Variants in ZDHHC11B observed in about 807,000 individuals in gnomAD.
ZDHHC11B encodes the protein probable palmitoyltransferase ZDHHC11B.
In ZDHHC11B, 17 loss-of-function variants were observed where a neutral mutation model predicts 42.3. The observed-to-expected ratio is 0.40, with a 90% CI of 0.27 to 0.60. The LOEUF is 0.60. Ranked by LOEUF, ZDHHC11B falls within the 20% of genes least tolerant of loss-of-function variation. The pLI is 0.41. For missense variants in ZDHHC11B, 262 were observed against 463.2 expected (o/e 0.57, Z 3.99); for synonymous variants, 123 against 193.5 (o/e 0.64, Z 3.02).
intron 4 of ZDHHC11B, among the ~76,000 whole-genome samples, chr5:759,862 G>A (rs1454751261): frequency 1.2e-4 from 18 of 151,884 alleles, no homozygotes; most frequent in African/African-American, 4.1e-4. Flanking sequence ...TGCAGGTGCC[G>A]GATAGCACAG....
chr5:749,355 A>AGGCAAGGCAGAATGGCAGAGGGTCG (rs1745300318), intron 7 of ZDHHC11B, among the ~76,000 whole-genome samples: 1 of 129,412 alleles, frequency 7.7e-6, no homozygotes, highest in Non-Finnish European at 1.7e-5. Flanking sequence ...GCAGAGGGCC[A>AGGCAAGGCAGAATGGCAGAGGGTCG]GGCAAGGCAG....
In ZDHHC11B at chr5:745,354, C is replaced by T. The variant is rs550521517; in HGVS notation, c.785-56G>A. The T allele has an allele frequency of 6.5e-5, 98 of 1,506,024 alleles. 2 individuals carry two copies. Among genetic ancestry groups the T allele is most frequent in the African/African-American group, 8.2e-5 (6 of 72,958 alleles). 93.3% of individuals were successfully genotyped at this position (1,506,024 alleles called of 1,614,324 possible). On this transcript the variant is annotated intron_variant, in intron 8 of 13. Coordinates refer to ENST00000508859, the MANE Select transcript of ZDHHC11B (RefSeq NM_001351303.2). Reference sequence around the variant, plus strand: ...TTACCAGCCCTGCGGCTTTGCACGGCGCCCACAGGACAGCTCAGCAGGGTG... The same window carrying T: ...TTACCAGCCCTGCGGCTTTGCACGGTGCCCACAGGACAGCTCAGCAGGGTG...
intron 4 of ZDHHC11B, among the ~76,000 whole-genome samples, chr5:763,976 C>T (rs539916478): frequency 3.0e-4 from 46 of 151,946 alleles, no homozygotes; most frequent in African/African-American, 9.7e-4. Flanking sequence ...ACTGTACTCT[C>T]TACCTCTATA....
intron 4 of ZDHHC11B, among the ~76,000 whole-genome samples, chr5:756,889 T>C (rs1405106528): frequency 2.0e-4 from 31 of 151,662 alleles, no homozygotes; most frequent in Non-Finnish European, 8.8e-5. Flanking sequence ...CCCAGACTCA[T>C]TCAGGGACTC....
intron 1 of ZDHHC11B, among the ~76,000 whole-genome samples, chr5:773,236 G>A (rs1239578653): frequency 6.6e-6 from 1 of 151,966 alleles, no homozygotes; most frequent in African/African-American, 2.4e-5. Context: ...TGTGCCAGCT[G>A]CTTCTCCTTG....
chr5:774,316 C>T (rs1736286961), intron 1 of ZDHHC11B, among the ~76,000 whole-genome samples: 1 of 152,150 alleles, frequency 6.6e-6, no homozygotes, highest in Non-Finnish European at 1.5e-5. Flanking sequence ...CCTCTGATCA[C>T]AGAGCTGTCC....
intron 1 of ZDHHC11B, among the ~76,000 whole-genome samples, chr5:777,155 G>A (rs1282278955): frequency 6.6e-5 from 10 of 151,840 alleles, no homozygotes; most frequent in South Asian, 2.1e-4. Flanking sequence ...GTTCAGATGC[G>A]TCTGGAGTTT....
At chr5:759,511 G>A (rs1472110200) in intron 4 of ZDHHC11B, among the ~76,000 whole-genome samples, 1 of 151,986 alleles carries the variant, frequency 6.6e-6, no homozygotes, top group Admixed American at 6.6e-5. Context: ...GAGCTTTGCT[G>A]GGAAGAGATT....
rs1741340679 is a variant in ZDHHC11B at position 711,204 on chromosome 5, CCTCCCCTTTCCCAGTACTGTG to C, written c.*1065_*1085del. 1 of 139,762 alleles carries C rather than the reference CCTCCCCTTTCCCAGTACTGTG, an allele frequency of 7.2e-6. No individual in the cohort carries two copies. The highest frequency in any genetic ancestry group is 1.6e-5 in the Non-Finnish European group (1 of 63,124). The allele number at this position is 139,762 out of a possible 1,614,324, so 8.7% of individuals were successfully genotyped here. A position where few individuals can be genotyped will look rare whatever the true frequency, so the allele number is the denominator to read the frequency against. On this transcript the variant is annotated 3_prime_UTR_variant, in exon 14 of 14. Transcript: ENST00000508859. Reference sequence around the variant, plus strand: ...ATGCTCCCATTTCCCAGTGCTGTGCCCTCCCCTTTCCCAGTACTGTGCTCCCATTTCCCAATACTGTGCTCC... The same window carrying C: ...ATGCTCCCATTTCCCAGTGCTGTGCCCTCCCATTTCCCAATACTGTGCTCC...
intron 1 of ZDHHC11B, among the ~76,000 whole-genome samples, chr5:774,343 G>C (rs1736289238): frequency 2.0e-5 from 3 of 152,164 alleles, no homozygotes; most frequent in Admixed American, 6.6e-5. Context: ...TGGAAACCCG[G>C]GTGTCCATGT....
At chr5:770,651 C>T (rs1369866955) in intron 1 of ZDHHC11B, among the ~76,000 whole-genome samples, 1 of 152,022 alleles carries the variant, frequency 6.6e-6, no homozygotes, top group Non-Finnish European at 1.5e-5. Flanking sequence ...ACTGCAGAGC[C>T]TCTGACCTTA....
At chr5:736,062 G>A (rs1462159702) in intron 10 of ZDHHC11B, among the ~76,000 whole-genome samples, 6 of 149,460 alleles carry the variant, frequency 4.0e-5, no homozygotes, top group South Asian at 2.2e-4. Flanking sequence ...AGTATCTGCT[G>A]TCTTCAAGAG....
chr5:758,677 C>T (rs1384254347), intron 4 of ZDHHC11B, among the ~76,000 whole-genome samples: 1 of 150,394 alleles, frequency 6.6e-6, no homozygotes, highest in African/African-American at 2.5e-5. Flanking sequence ...GCAAGGGACT[C>T]CCCCCCACCA....
Position 748,561 on chromosome 5 carries a change from T to C in ZDHHC11B, c.629-2A>G. 1 of 1,362,318 alleles carries C rather than the reference T, an allele frequency of 7.3e-7. No homozygotes were observed. Among genetic ancestry groups the C allele is most frequent in the Non-Finnish European group, 9.8e-7 (1 of 1,024,120 alleles). The allele number at this position is 1,362,318 out of a possible 1,614,324, so 84.4% of individuals were successfully genotyped here. A position where few individuals can be genotyped will look rare whatever the true frequency, so the allele number is the denominator to read the frequency against. ...GCCACGTGTTCATATTCTTGACATC[T>C]GGGGAGACAAGGGAGAGACACTGTG... On this transcript the variant is annotated splice_acceptor_variant, in intron 7 of 13. Coordinates refer to ENST00000508859, the MANE Select transcript of ZDHHC11B (RefSeq NM_001351303.2). LOFTEE classifies it high-confidence loss of function.
chr5:742,311 C>T (rs397833213), intron 9 of ZDHHC11B, among the ~76,000 whole-genome samples: 526 of 145,636 alleles, frequency 3.6e-3, no homozygotes, highest in African/African-American at 0.013. Flanking sequence ...ACTGGGTTTT[C>T]TGTTTGTTTA....
intron 1 of ZDHHC11B, among the ~76,000 whole-genome samples, chr5:774,410 G>A (rs1166710195): frequency 1.3e-5 from 2 of 152,322 alleles, no homozygotes; most frequent in Admixed American, 6.5e-5. Flanking sequence ...ACTAGGAACA[G>A]GGGTCTCGCA....
intron 12 of ZDHHC11B, among the ~76,000 whole-genome samples, chr5:723,481 C>T (rs1460935417): frequency 8.3e-6 from 1 of 120,568 alleles, no homozygotes; most frequent in African/African-American, 2.9e-5. Flanking sequence ...CTGTCTGATG[C>T]CAAAGTCCAA....
At chr5:774,284 G>A (rs1327175456) in intron 1 of ZDHHC11B, among the ~76,000 whole-genome samples, 1 of 152,138 alleles carries the variant, frequency 6.6e-6, no homozygotes, top group African/African-American at 2.4e-5. Context: ...AATTGACAGG[G>A]CTGGGGAAAC....
chr5:780,631 C>T (rs1490104830), intron 1 of ZDHHC11B, among the ~76,000 whole-genome samples: 3 of 137,684 alleles, frequency 2.2e-5, no homozygotes, highest in Admixed American at 7.2e-5. Context: ...CGGCCCAGAA[C>T]GGCTGGCACT....
Sources: allele counts gnomAD v4.1 joint callset (sites outside exome capture counted in the v4.1 genomes callset), GRCh38; gene constraint gnomAD v4.1.1; transcripts MANE v1.5; gene names NCBI Gene and HGNC (gene_info 2026-07-23, HGNC 2026-07-21).